KAZN: variants seen among roughly 807,000 people sequenced by gnomAD.
The protein encoded by KAZN is kazrin, periplakin interacting protein, also known as kazrin.
Under a neutral mutation model 87.4 loss-of-function variants are expected in KAZN, and 40 were observed. The ratio of observed to expected loss-of-function variants is 0.46; its 90% CI spans 0.36 to 0.60. The LOEUF (loss-of-function observed/expected upper bound fraction) is 0.60. Ranked by LOEUF, KAZN falls within the 20% of genes least tolerant of loss-of-function variation. The probability of loss-of-function intolerance (pLI) is 0.00; values close to 1 mark genes in which losing one functional copy is unlikely to be tolerated. For synonymous variants in KAZN, 466 were observed against 458.3 expected (o/e 1.02, Z -0.22); for missense variants, 898 against 1,073.9 (o/e 0.84, Z 2.29).
At chr1:14,627,623 C>T (rs1679242958) in intron 1 of KAZN, among the ~76,000 whole-genome samples, 1 of 152,192 alleles carries the variant, frequency 6.6e-6, no homozygotes, top group Admixed American at 6.5e-5. Context: ...TAGGGCTTAG[C>T]ACAGTGCCTG....
intron 1 of KAZN, among the ~76,000 whole-genome samples, chr1:14,132,955 G>T (rs534535051): frequency 5.8e-4 from 89 of 152,230 alleles, no homozygotes; most frequent in African/African-American, 2.0e-3. Context: ...TAGGAAAGAT[G>T]GGATTAGGTT....
intron 1 of KAZN, among the ~76,000 whole-genome samples, chr1:14,681,859 T>A (rs563019549): frequency 6.7e-6 from 1 of 149,812 alleles, no homozygotes; most frequent in African/African-American, 2.5e-5. Context: ...ACCCAGCTAA[T>A]TTTTTGTATT....
intron 2 of KAZN, among the ~76,000 whole-genome samples, chr1:14,500,546 A>G (rs1415653221): frequency 6.6e-6 from 1 of 151,948 alleles, no homozygotes; most frequent in Non-Finnish European, 1.5e-5. Flanking sequence ...GAATTAGAAA[A>G]CCAAGAGCAA....
intron 1 of KAZN, among the ~76,000 whole-genome samples, chr1:14,760,234 G>A (rs368833320): frequency 5.9e-5 from 9 of 151,960 alleles, no homozygotes; most frequent in African/African-American, 1.9e-4. Flanking sequence ...CATCACTTGG[G>A]CCCAAATCCT....
chr1:14,909,501 C>T (rs1656998117), intron 1 of KAZN, among the ~76,000 whole-genome samples: 1 of 152,220 alleles, frequency 6.6e-6, no homozygotes, highest in African/African-American at 2.4e-5. Flanking sequence ...GAGTCTGTTA[C>T]TGCCTCCAGA....
intron 2 of KAZN, among the ~76,000 whole-genome samples, chr1:14,502,002 GGGT>G (rs1448543514): frequency 6.6e-6 from 1 of 152,208 alleles, no homozygotes; most frequent in East Asian, 1.9e-4. Flanking sequence ...AGATTTTTGA[GGGT>G]TGGGTTATGA....
intron 1 of KAZN, among the ~76,000 whole-genome samples, chr1:14,670,948 C>A (rs1639880594): frequency 6.6e-6 from 1 of 152,160 alleles, no homozygotes; most frequent in African/African-American, 2.4e-5. Flanking sequence ...GGGGAAAATT[C>A]TACTGGCATC....
At chr1:14,861,735 G>C (rs1403306673) in intron 1 of KAZN, among the ~76,000 whole-genome samples, 1 of 152,126 alleles carries the variant, frequency 6.6e-6, no homozygotes, top group Non-Finnish European at 1.5e-5. Context: ...GACCCAAGCA[G>C]AGCTAGAGAC....
intron 2 of KAZN, 99 bp downstream of exon 2, chr1:14,960,974 G>T (rs1439636805): frequency 2.3e-6 from 3 of 1,285,034 alleles, no homozygotes; most frequent in African/African-American, 1.5e-5. Context: ...TGGACACAGG[G>T]GTCTCCCAGC....
At chr1:14,790,323 T>C (rs1273704391) in intron 1 of KAZN, among the ~76,000 whole-genome samples, 2 of 152,102 alleles carry the variant, frequency 1.3e-5, no homozygotes, top group Non-Finnish European at 1.5e-5. Context: ...CATTCCTGAA[T>C]TTCTTGACCC....
chr1:14,615,131 C>A (rs1042490068), intron 1 of KAZN, among the ~76,000 whole-genome samples: 4 of 152,210 alleles, frequency 2.6e-5, no homozygotes, highest in Non-Finnish European at 4.4e-5. Context: ...TGAGTTTATT[C>A]TTTGGTTTCT....
chr1:14,695,102 C>T (rs556364450), intron 1 of KAZN, among the ~76,000 whole-genome samples: 1 of 152,302 alleles, frequency 6.6e-6, no homozygotes, highest in East Asian at 1.9e-4. Flanking sequence ...GGGAGGCTTT[C>T]AGGCAAGGTG....
At chr1:14,458,069 G>C (rs1279812666) in intron 2 of KAZN, among the ~76,000 whole-genome samples, 1 of 151,988 alleles carries the variant, frequency 6.6e-6, no homozygotes, top group Non-Finnish European at 1.5e-5. Flanking sequence ...TGATCCCCCT[G>C]CCTTGGCCTC....
chr1:15,027,010 G>A (rs1393124862), intron 2 of KAZN, among the ~76,000 whole-genome samples: 4 of 147,436 alleles, frequency 2.7e-5, no homozygotes, highest in Non-Finnish European at 4.5e-5. Context: ...GTCAGCTGCC[G>A]TCTACAGATG....
intron 8 of KAZN, among the ~76,000 whole-genome samples, chr1:15,078,107 A>G (rs1184874522): frequency 1.3e-5 from 2 of 152,172 alleles, no homozygotes; most frequent in African/African-American, 2.4e-5. Flanking sequence ...TAACATACAT[A>G]GCCCTAAGAG....
intron 2 of KAZN, among the ~76,000 whole-genome samples, chr1:14,248,372 C>A (rs1163127339): frequency 6.6e-6 from 1 of 152,156 alleles, no homozygotes; most frequent in Non-Finnish European, 1.5e-5. Context: ...TTGCTGTGTA[C>A]CAGGAGCCAA....
At chr1:14,093,274 T>C (rs1469982293) in intron 1 of KAZN, among the ~76,000 whole-genome samples, 1 of 152,178 alleles carries the variant, frequency 6.6e-6, no homozygotes, top group Non-Finnish European at 1.5e-5. Flanking sequence ...GCTTCATAGC[T>C]CCTTAGACCC....
intron 2 of KAZN, among the ~76,000 whole-genome samples, chr1:14,291,553 T>G (rs1653694169): frequency 6.6e-6 from 1 of 152,194 alleles, no homozygotes; most frequent in African/African-American, 2.4e-5. Context: ...GTGCAGTGTT[T>G]GGGTGGGAGT....
intron 13 of KAZN, 181 bp from the exon 14 acceptor site, chr1:15,112,245 GA>G: frequency 1.7e-6 from 1 of 601,534 alleles, no homozygotes; most frequent in Admixed American, 2.8e-5. Flanking sequence ...CATGTTGTGA[GA>G]ATCACGCTTA....
Sources: gnomAD v4.1 joint callset for allele counts (sites outside exome capture counted in the v4.1 genomes callset) on GRCh38, gnomAD v4.1.1 for gene constraint, MANE v1.5 for transcripts, NCBI Gene and HGNC (gene_info 2026-07-23, HGNC 2026-07-21) for gene names.